TRAF3: variants seen among roughly 807,000 people sequenced by gnomAD.
TRAF3 encodes TNF receptor-associated factor 3.
In TRAF3, 13 loss-of-function variants were observed where a neutral mutation model predicts 62.3. That is an observed-to-expected ratio of 0.21 (90% CI 0.14 to 0.33). The LOEUF is 0.33. Ranked by LOEUF, TRAF3 falls within the 10% of genes least tolerant of loss-of-function variation. The probability of loss-of-function intolerance (pLI) is 1.00; values close to 1 mark genes in which losing one functional copy is unlikely to be tolerated. For synonymous variants in TRAF3, 269 were observed against 283.4 expected (o/e 0.95, Z 0.51); for missense variants, 440 against 741.8 (o/e 0.59, Z 4.73).
intron 1 of TRAF3, among the ~76,000 whole-genome samples, chr14:102,787,402 C>T (rs973460728): frequency 7.3e-5 from 11 of 151,578 alleles, no homozygotes; most frequent in Non-Finnish European, 1.2e-4. Context: ...TTGGGCTGGG[C>T]GTGGTGGCTC....
At chr14:102,836,276 C>A (rs1885999287) in intron 2 of TRAF3, among the ~76,000 whole-genome samples, 1 of 152,230 alleles carries the variant, frequency 6.6e-6, no homozygotes, top group South Asian at 2.1e-4. Context: ...TTTAGCAGCA[C>A]TGCCACTGCT....
chr14:102,871,888 C>G, intron 3 of TRAF3, 29 bp from the exon 4 acceptor site: 1 of 1,610,044 alleles, frequency 6.2e-7, no homozygotes, highest in Non-Finnish European at 8.5e-7. Context: ...GACTTCCACT[C>G]TAATGCAGTC....
At chr14:102,871,218 C>A (rs1228980119) in intron 3 of TRAF3, among the ~76,000 whole-genome samples, 1 of 152,346 alleles carries the variant, frequency 6.6e-6, no homozygotes, top group Middle Eastern at 3.4e-3. Context: ...AGCCCCCTGC[C>A]CTGTCACCTG....
intron 1 of TRAF3, among the ~76,000 whole-genome samples, chr14:102,778,249 G>A (rs975198613): frequency 6.6e-6 from 1 of 151,620 alleles, no homozygotes; most frequent in East Asian, 1.9e-4. Flanking sequence ...GAGGGCCGGC[G>A]ACTCCCGGGG....
At chr14:102,886,095 C>T (rs1257833796) in intron 6 of TRAF3, 94 bp from the exon 7 acceptor site, 1 of 1,118,592 alleles carries the variant, frequency 8.9e-7, no homozygotes, top group Non-Finnish European at 1.3e-6. Context: ...CGATGGTGAG[C>T]AGAGCCATTC....
At chr14:102,812,134 G>A (rs1203402237) in intron 1 of TRAF3, among the ~76,000 whole-genome samples, 1 of 151,594 alleles carries the variant, frequency 6.6e-6, no homozygotes, top group African/African-American at 2.4e-5. Flanking sequence ...TTCCTGTCTA[G>A]CTCTCTCCCC....
chr14:102,846,797 C>T (rs1886753174), intron 2 of TRAF3, among the ~76,000 whole-genome samples: 1 of 152,064 alleles, frequency 6.6e-6, no homozygotes, highest in Non-Finnish European at 1.5e-5. Flanking sequence ...GCCTGGGTGA[C>T]AGAGCAAGAT....
At chr14:102,858,882 A>G (rs1233319128) in intron 2 of TRAF3, among the ~76,000 whole-genome samples, 1 of 152,210 alleles carries the variant, frequency 6.6e-6, no homozygotes, top group Non-Finnish European at 1.5e-5. Flanking sequence ...GTTAAACCCA[A>G]TTCTTAATAA....
At chr14:102,800,358 G>A (rs796508293) in intron 1 of TRAF3, among the ~76,000 whole-genome samples, 7 of 152,286 alleles carry the variant, frequency 4.6e-5, no homozygotes, top group Middle Eastern at 3.4e-3. Flanking sequence ...TGATCATTGC[G>A]TTCATTTAAG....
chr14:102,891,239 T>A, intron 8 of TRAF3, 86 bp from the exon 9 acceptor site: 1 of 1,254,388 alleles, frequency 8.0e-7, no homozygotes, highest in Non-Finnish European at 1.1e-6. Context: ...TTGTGTTTAG[T>A]GCTGCTTTTA....
chr14:102,856,827 C>G (rs1397736850), intron 2 of TRAF3, among the ~76,000 whole-genome samples: 1 of 152,110 alleles, frequency 6.6e-6, no homozygotes, highest in Non-Finnish European at 1.5e-5. Context: ...GATATTCCTG[C>G]CTAACTATGA....
chr14:102,841,806 C>T (rs902539670), intron 2 of TRAF3, among the ~76,000 whole-genome samples: 1 of 151,990 alleles, frequency 6.6e-6, no homozygotes, highest in African/African-American at 2.4e-5. Context: ...AGGGATGATG[C>T]AATTAGCACA....
At chr14:102,855,969 G>A (rs951326645) in intron 2 of TRAF3, among the ~76,000 whole-genome samples, 4 of 151,824 alleles carry the variant, frequency 2.6e-5, no homozygotes, top group African/African-American at 9.7e-5. Flanking sequence ...GTGTATGCCT[G>A]TATTCCCAGG....
chr14:102,829,772 G>C (rs145599966), intron 1 of TRAF3, among the ~76,000 whole-genome samples: 1 of 152,164 alleles, frequency 6.6e-6, no homozygotes. Flanking sequence ...TCAAGCTTGT[G>C]AAAATGATAA....
In TRAF3 at chr14:102,870,373, C is replaced by T. The variant is rs1320215320; in HGVS notation, c.172C>T (p.Leu58=). 6.2e-7 allele frequency: 1 copy of T among 1,614,206 alleles called. No individual in the cohort carries two copies. The highest frequency in any genetic ancestry group is 8.5e-7 in the Non-Finnish European group (1 of 1,180,028). Residue 58 remains leucine, a synonymous_variant, in exon 3 of 12, where the codon CTG becomes TTG. Transcript: ENST00000392745. Reference sequence around the variant, plus strand: ...CAAGTACAAGTGTGAGAAGTGCCACCTGGTGCTGTGCAGCCCGAAGCAGAC... The same window carrying T: ...CAAGTACAAGTGTGAGAAGTGCCACTTGGTGCTGTGCAGCCCGAAGCAGAC... The part of the protein sequence containing the change: ...EDKYKCEKCH[L]VLCSPKQTEC...
rs577228223 is a variant in TRAF3, at chr14:102,815,331, T to C, written c.-156-15003T>C. 5.9e-5 allele frequency among the ~76,000 whole-genome samples: 9 copies of C among 152,298 alleles called. No individual in the cohort carries two copies. The South Asian group carries it at 1.7e-3, about 28-fold the overall frequency. On this transcript the variant is annotated intron_variant, in intron 1 of 11. Coordinates refer to ENST00000392745, the MANE Select transcript of TRAF3 (RefSeq NM_145725.3). ...TTATATAGTTTTAGTTCTTTTCTGCTGTGATCATGTGTGTATGTGTTGGTT... is the reference window on the plus strand; with the variant it reads ...TTATATAGTTTTAGTTCTTTTCTGCCGTGATCATGTGTGTATGTGTTGGTT...
At chr14:102,799,268 T>C (rs1193812749) in intron 1 of TRAF3, among the ~76,000 whole-genome samples, 1 of 152,082 alleles carries the variant, frequency 6.6e-6, no homozygotes, top group South Asian at 2.1e-4. Context: ...CTGCAGAGAG[T>C]TGACACAGCG....
intron 6 of TRAF3, among the ~76,000 whole-genome samples, chr14:102,884,756 G>C (rs1335289190): frequency 6.6e-6 from 1 of 151,596 alleles, no homozygotes; most frequent in African/African-American, 2.4e-5. Context: ...AGGTTGCTGT[G>C]AGCCAAGATT....
At position 102,840,005 on chromosome 14, in the gene TRAF3, AAG is replaced by A. The variant is rs1370697490; in HGVS notation, c.-18+9535_-18+9536del. ...AGGTATTAGTCTAATTCTACTTAGTAAGAAAGTTATTCCCGGAGACTTCCATT... is the reference window on the plus strand; with the variant it reads ...AGGTATTAGTCTAATTCTACTTAGTAAAAGTTATTCCCGGAGACTTCCATT... On this transcript the variant is annotated intron_variant, in intron 2 of 11. Transcript: ENST00000392745. Among the ~76,000 whole-genome samples the A allele has an allele frequency of 2.6e-5, 4 of 152,326 alleles. No homozygotes were observed. The East Asian group carries it at 7.7e-4, about 29-fold the overall frequency.
Sources: gnomAD v4.1 joint callset for allele counts (sites outside exome capture counted in the v4.1 genomes callset) on GRCh38, gnomAD v4.1.1 for gene constraint, MANE v1.5 for transcripts, NCBI Gene and HGNC (gene_info 2026-07-23, HGNC 2026-07-21) for gene names.